Variants in BCL7C observed in about 807,000 individuals in gnomAD.
BCL7C encodes the protein BAF chromatin remodeling complex subunit BCL7C.
In BCL7C, 8 loss-of-function variants were observed where a neutral mutation model predicts 26.2. The ratio of observed to expected loss-of-function variants is 0.30; its 90% CI spans 0.18 to 0.55. The LOEUF is 0.55. Ranked by LOEUF, BCL7C falls within the 20% of genes least tolerant of loss-of-function variation. The pLI is 0.93. For synonymous variants in BCL7C, 90 were observed against 116.5 expected (o/e 0.77, Z 1.47); for missense variants, 262 against 298.5 (o/e 0.88, Z 0.90).
chr16:30,888,761 TCTC>T (rs2055177090), intron 5 of BCL7C, 96 bp downstream of exon 5: 1 of 1,131,438 alleles, frequency 8.8e-7, no homozygotes, highest in African/African-American at 1.5e-5. Context: ...CAGGTCTGCC[TCTC>T]CTCCAGGCCC....
intron 5 of BCL7C, among the ~76,000 whole-genome samples, chr16:30,880,865 A>AT (rs113128560): frequency 9.3e-5 from 14 of 150,926 alleles, no homozygotes; most frequent in Admixed American, 3.3e-4. Flanking sequence ...TGCCCGGCTA[A>AT]TTTTTTTTTA....
At chr16:30,872,916 G>A (rs969462578) in intron 5 of BCL7C, among the ~76,000 whole-genome samples, 9 of 152,176 alleles carry the variant, frequency 5.9e-5, no homozygotes, top group Admixed American at 6.6e-5. Flanking sequence ...AGGTGAGGGT[G>A]GTTTTCAAAT....
intron 5 of BCL7C, among the ~76,000 whole-genome samples, chr16:30,867,390 C>T (rs1457367661): frequency 1.3e-5 from 2 of 152,100 alleles, no homozygotes; most frequent in Admixed American, 6.5e-5. Flanking sequence ...AATTCCCACA[C>T]CCTAACCCCT....
At chr16:30,865,005 A>G (rs150927054) in intron 5 of BCL7C, among the ~76,000 whole-genome samples, 1,918 of 151,768 alleles carry the variant, frequency 0.013, 36 homozygotes, top group African/African-American at 0.042. Flanking sequence ...CATCTCTACT[A>G]AAAATACAAA....
chr16:30,863,035 G>A (rs994487566), intron 5 of BCL7C, among the ~76,000 whole-genome samples: 6 of 151,994 alleles, frequency 3.9e-5, no homozygotes, highest in African/African-American at 1.5e-4. Context: ...CAAACAACTT[G>A]ACCTTACTGT....
intron 5 of BCL7C, among the ~76,000 whole-genome samples, chr16:30,863,083 C>T (rs1289734931): frequency 2.0e-5 from 3 of 152,102 alleles, no homozygotes; most frequent in Admixed American, 6.6e-5. Flanking sequence ...TGATAACACA[C>T]CTGACCCCCA....
At chr16:30,883,764 G>C (rs1267526390), downstream of BCL7C, among the ~76,000 whole-genome samples, 2 of 148,014 alleles carry the variant, frequency 1.4e-5, no homozygotes, top group Admixed American at 6.7e-5. Flanking sequence ...TGATCCGCCT[G>C]CCTTGGCCTC....
At chr16:30,856,237 T>C (rs928977340) in intron 5 of BCL7C, among the ~76,000 whole-genome samples, 1 of 151,094 alleles carries the variant, frequency 6.6e-6, no homozygotes, top group African/African-American at 2.4e-5. Flanking sequence ...GTCAGGAGAT[T>C]GAGACCATCC....
chr16:30,854,246 T>C (rs553414683), intron 5 of BCL7C, among the ~76,000 whole-genome samples: 2 of 152,334 alleles, frequency 1.3e-5, no homozygotes, highest in African/African-American at 4.8e-5. Context: ...ATGGGAGCCT[T>C]ATCAACAATA....
At chr16:30,841,929 T>C (rs937006161) in intron 5 of BCL7C, among the ~76,000 whole-genome samples, 29 of 116,486 alleles carry the variant, frequency 2.5e-4, no homozygotes, top group African/African-American at 8.6e-4. Flanking sequence ...CACTCCAGCC[T>C]GGGCCAAATG....
intron 5 of BCL7C, among the ~76,000 whole-genome samples, chr16:30,865,712 T>C (rs1399630896): frequency 6.8e-6 from 1 of 147,330 alleles, no homozygotes; most frequent in African/African-American, 2.5e-5. Flanking sequence ...TGCACATACA[T>C]ATGGCTTTTT....
intron 5 of BCL7C, 36 bp from the exon 6 acceptor site, chr16:30,888,026 G>A (rs755391123): frequency 2.5e-6 from 4 of 1,575,822 alleles, no homozygotes; most frequent in Non-Finnish European, 3.4e-6. Context: ...GAGCTCCACA[G>A]AACCCAGGCG....
chr16:30,890,555 C>G (rs1472261456), intron 4 of BCL7C, among the ~76,000 whole-genome samples: 1 of 151,330 alleles, frequency 6.6e-6, no homozygotes, highest in East Asian at 2.0e-4. Context: ...GAGAAAAAAA[C>G]ACGTAAAGTG....
exon 6 of BCL7C, chr16:30,835,143 C>G: frequency 6.6e-7 from 1 of 1,506,290 alleles, no homozygotes; most frequent in Non-Finnish European, 8.9e-7. Flanking sequence ...TTCTCACTCC[C>G]GAATCCTGTA....
chr16:30,883,612 G>A (rs1160948899), downstream of BCL7C, among the ~76,000 whole-genome samples: 1 of 122,192 alleles, frequency 8.2e-6, no homozygotes, highest in Non-Finnish European at 1.6e-5. Flanking sequence ...CGCCTCCCAC[G>A]TTCAAGTGAT....
intron 4 of BCL7C, among the ~76,000 whole-genome samples, chr16:30,890,811 C>T (rs1027961406): frequency 8.6e-5 from 13 of 151,778 alleles, no homozygotes; most frequent in Admixed American, 3.9e-4. Flanking sequence ...CATGGAGAAA[C>T]CTCGTCTCTA....
At chr16:30,880,482 G>A (rs1262003984) in intron 5 of BCL7C, among the ~76,000 whole-genome samples, 1 of 150,564 alleles carries the variant, frequency 6.6e-6, no homozygotes, top group African/African-American at 2.4e-5. Flanking sequence ...AGCGGATCAC[G>A]AGGTCGGGAG....
At chr16:30,853,974 T>TA (rs1244328734) in intron 5 of BCL7C, among the ~76,000 whole-genome samples, 2 of 152,230 alleles carry the variant, frequency 1.3e-5, no homozygotes, top group African/African-American at 2.4e-5. Context: ...ATGGCATTCA[T>TA]ACCGCATGGT....
chr16:30,889,550 C>T (rs1187394519), intron 4 of BCL7C, among the ~76,000 whole-genome samples: 1 of 151,988 alleles, frequency 6.6e-6, no homozygotes, highest in African/African-American at 2.4e-5. Context: ...AGTGCAGTGG[C>T]GCGATCTCGG....
Sources: gnomAD v4.1 joint callset for allele counts (sites outside exome capture counted in the v4.1 genomes callset) on GRCh38, gnomAD v4.1.1 for gene constraint, MANE v1.5 for transcripts, NCBI Gene and HGNC (gene_info 2026-07-23, HGNC 2026-07-21) for gene names.